Variants in GRID2 observed in about 807,000 individuals in gnomAD.
GRID2 encodes the protein glutamate ionotropic receptor delta type subunit 2.
GRID2 carries 33 observed loss-of-function variants against 114.8 expected under a neutral mutation model. That is an observed-to-expected ratio of 0.29 (90% confidence interval 0.22 to 0.38). The LOEUF is 0.38. GRID2 is among the 10% of genes least tolerant of loss of function. GRID2 has a pLI of 1.00. For missense variants in GRID2, 1,184 were observed against 1,257.7 expected (o/e 0.94, Z 0.89); for synonymous variants, 505 against 449.9 (o/e 1.12, Z -1.55).
In GRID2 at chr4:93,267,437, C is replaced by T. The variant is rs544577420; in HGVS notation, c.1245+28947C>T. Among the ~76,000 whole-genome samples, 270 of 152,244 alleles carry T rather than the reference C, an allele frequency of 1.8e-3. 1 individual carries two copies. Among genetic ancestry groups the T allele is most frequent in the African/African-American group, 6.3e-3 (261 of 41,556 alleles). On this transcript the variant is annotated intron_variant, in intron 8 of 15. Coordinates refer to ENST00000282020, the MANE Select transcript of GRID2 (RefSeq NM_001510.4). ...GGAGCAACCACTGCTGTGTCAAAGA[C>T]CCAGCATGGAGAAAGAGGTGCAGCC...
Position 92,470,287 on chromosome 4 carries a change from A to AG in GRID2, c.89-119844_89-119843insG, listed in dbSNP as rs1015319027. On this transcript the variant is annotated intron_variant, in intron 1 of 15. Coordinates refer to ENST00000282020, the MANE Select transcript of GRID2 (RefSeq NM_001510.4). ...CTCTCTTTTTTATCATCCAAAAAAAATCATCATTAAAAACTTCCAAAGGGC... is the reference window on the plus strand; with the variant it reads ...CTCTCTTTTTTATCATCCAAAAAAAAGTCATCATTAAAAACTTCCAAAGGGC... Among the ~76,000 whole-genome samples, 42 of 152,074 alleles carry AG rather than the reference A, an allele frequency of 2.8e-4. No individual in the cohort carries two copies. The East Asian group carries it at 6.0e-3, about 22-fold the overall frequency.
intron 2 of GRID2, among the ~76,000 whole-genome samples, chr4:92,838,118 A>AT: frequency 6.6e-6 from 1 of 152,104 alleles, no homozygotes; most frequent in East Asian, 1.9e-4. Flanking sequence ...ACCTCCTTCA[A>AT]TATTATATTG....
intron 2 of GRID2, among the ~76,000 whole-genome samples, chr4:92,652,824 A>T (rs1394674958): frequency 5.8e-5 from 8 of 137,332 alleles, no homozygotes; most frequent in South Asian, 4.7e-4. Flanking sequence ...TATATATATA[A>T]ATATATATAA....
At chr4:92,904,721 G>A (rs1030054093) in intron 2 of GRID2, among the ~76,000 whole-genome samples, 1 of 151,962 alleles carries the variant, frequency 6.6e-6, no homozygotes, top group African/African-American at 2.4e-5. Context: ...AATGAATGAT[G>A]TGAAATGGAA....
intron 1 of GRID2, among the ~76,000 whole-genome samples, chr4:92,472,338 G>A (rs1722088048): frequency 1.3e-5 from 2 of 152,096 alleles, no homozygotes; most frequent in Admixed American, 1.3e-4. Context: ...ACACGTTGAT[G>A]GACAGTTGTG....
chr4:93,122,601 G>A (rs1173710402), intron 4 of GRID2, among the ~76,000 whole-genome samples: 4 of 151,922 alleles, frequency 2.6e-5, no homozygotes, highest in Admixed American at 6.6e-5. Context: ...CTTTCCATGG[G>A]CCCAATAGTT....
intron 12 of GRID2, among the ~76,000 whole-genome samples, chr4:93,494,766 T>C (rs1374632154): frequency 1.3e-5 from 2 of 151,800 alleles, no homozygotes; most frequent in Non-Finnish European, 2.9e-5. Flanking sequence ...CATTGAGAGG[T>C]AACAACATAT....
intron 1 of GRID2, among the ~76,000 whole-genome samples, chr4:92,561,818 T>A (rs1297868258): frequency 2.0e-5 from 3 of 152,232 alleles, no homozygotes; most frequent in Non-Finnish European, 2.9e-5. Context: ...TCTAATTTCA[T>A]GAGTATATTC....
At chr4:92,920,883 G>A (rs1190240705) in intron 2 of GRID2, among the ~76,000 whole-genome samples, 2 of 152,092 alleles carry the variant, frequency 1.3e-5, no homozygotes, top group Admixed American at 6.5e-5. Flanking sequence ...TCCTAAATTT[G>A]AATGTTGGTC....
chr4:93,793,070 A>G (rs1734726986), intron 1 of GRID2, among the ~76,000 whole-genome samples: 1 of 152,220 alleles, frequency 6.6e-6, no homozygotes, highest in Non-Finnish European at 1.5e-5. Context: ...ATAAAACCTT[A>G]TGCTCGATCC....
intron 1 of GRID2, among the ~76,000 whole-genome samples, chr4:92,494,690 C>T (rs1056281919): frequency 1.9e-4 from 29 of 151,974 alleles, no homozygotes; most frequent in African/African-American, 7.0e-4. Flanking sequence ...AAAAGATTTG[C>T]CAAATGTGTA....
chr4:93,595,126 T>A (rs1738940655), intron 13 of GRID2, among the ~76,000 whole-genome samples: 1 of 152,184 alleles, frequency 6.6e-6, no homozygotes, highest in Non-Finnish European at 1.5e-5. Flanking sequence ...CCTCAAACAA[T>A]GGTGACCTCC....
chr4:92,679,723 GA>G (rs1733552980), intron 2 of GRID2, among the ~76,000 whole-genome samples: 2 of 151,876 alleles, frequency 1.3e-5, no homozygotes, highest in African/African-American at 4.8e-5. Context: ...AATAGTATGT[GA>G]AAACTGTCAT....
At chr4:93,100,596 T>TA (rs1428075989) in intron 3 of GRID2, among the ~76,000 whole-genome samples, 1 of 151,948 alleles carries the variant, frequency 6.6e-6, no homozygotes, top group African/African-American at 2.4e-5. Context: ...TTCCTATTTT[T>TA]AAAAAAAGCC....
intron 9 of GRID2, among the ~76,000 whole-genome samples, chr4:93,406,048 T>A (rs1766378563): frequency 1.3e-5 from 2 of 152,158 alleles, no homozygotes; most frequent in Admixed American, 6.6e-5. Context: ...TTTATTGATA[T>A]GGCTAGGATA....
chr4:93,154,008 G>T (rs1310264471), intron 4 of GRID2, among the ~76,000 whole-genome samples: 1 of 151,948 alleles, frequency 6.6e-6, no homozygotes, highest in Non-Finnish European at 1.5e-5. Context: ...AATAAATAGT[G>T]AGCAAATGAT....
At chr4:93,433,467 CAG>C (rs1189749729) in intron 10 of GRID2, among the ~76,000 whole-genome samples, 1 of 152,138 alleles carries the variant, frequency 6.6e-6, no homozygotes, top group Non-Finnish European at 1.5e-5. Flanking sequence ...TAACAAAAAA[CAG>C]GTTCCTTGAG....
intron 8 of GRID2, among the ~76,000 whole-genome samples, chr4:93,363,480 C>A (rs1191664689): frequency 6.6e-6 from 1 of 152,082 alleles, no homozygotes; most frequent in African/African-American, 2.4e-5. Flanking sequence ...TAAGCAAAGA[C>A]TGGAAATCTA....
intron 2 of GRID2, among the ~76,000 whole-genome samples, chr4:92,842,806 A>G (rs1743006725): frequency 6.6e-6 from 1 of 152,118 alleles, no homozygotes; most frequent in African/African-American, 2.4e-5. Context: ...TGACAGAAAA[A>G]CAGATCATTT....
Sources: gnomAD v4.1 joint callset for allele counts (sites outside exome capture counted in the v4.1 genomes callset) on GRCh38, gnomAD v4.1.1 for gene constraint, MANE v1.5 for transcripts, NCBI Gene and HGNC (gene_info 2026-07-23, HGNC 2026-07-21) for gene names.